Variants in KAZN observed in about 807,000 individuals in gnomAD.
The protein encoded by KAZN is kazrin, periplakin interacting protein.
Under a neutral mutation model 87.4 loss-of-function variants are expected in KAZN, and 40 were observed. The observed-to-expected ratio is 0.46, with a 90% confidence interval of 0.36 to 0.60. KAZN has a LOEUF of 0.60. KAZN is among the 20% of genes least tolerant of loss of function. KAZN has a pLI of 0.00. For missense variants in KAZN, 898 were observed against 1,073.9 expected, an observed-to-expected ratio of 0.84 and a Z score of 2.29; for synonymous variants, 466 against 458.3, an observed-to-expected ratio of 1.02 and a Z score of -0.22.
At chr1:14,042,597 G>C (rs1641885483) in intron 1 of KAZN, among the ~76,000 whole-genome samples, 1 of 152,176 alleles carries the variant, frequency 6.6e-6, no homozygotes, top group Non-Finnish European at 1.5e-5. Context: ...TAGTGATACA[G>C]ATGGCATCTA....
intron 1 of KAZN, among the ~76,000 whole-genome samples, chr1:14,825,740 G>GCC (rs1646867227): frequency 1.3e-5 from 2 of 152,158 alleles, no homozygotes; most frequent in Non-Finnish European, 2.9e-5. Context: ...GCCTGATCAA[G>GCC]CCCCACCTGT....
chr1:14,026,965 G>A (rs1641105068), intron 1 of KAZN, among the ~76,000 whole-genome samples: 1 of 151,948 alleles, frequency 6.6e-6, no homozygotes, highest in South Asian at 2.1e-4. Flanking sequence ...GGTGAAGAGA[G>A]TAAGGGAAGC....
chr1:14,997,719 G>A (rs1032848578), intron 2 of KAZN, among the ~76,000 whole-genome samples: 7 of 152,124 alleles, frequency 4.6e-5, no homozygotes, highest in Admixed American at 6.5e-5. Context: ...AGGAGCAGGG[G>A]CTGGGCTGGG....
At chr1:15,112,292 A>C in intron 13 of KAZN, 135 bp from the exon 14 acceptor site, 1 of 661,090 alleles carries the variant, frequency 1.5e-6, no homozygotes, top group Non-Finnish European at 2.8e-6. Context: ...CGTGGGAGGT[A>C]ATCAGTCGGT....
chr1:14,972,445 G>A (rs1184661678), intron 2 of KAZN, among the ~76,000 whole-genome samples: 2 of 152,222 alleles, frequency 1.3e-5, no homozygotes, highest in African/African-American at 4.8e-5. Flanking sequence ...GTCTGACACA[G>A]GCCTTGACCC....
intron 2 of KAZN, among the ~76,000 whole-genome samples, chr1:14,348,311 C>A (rs112675896): frequency 1.8e-3 from 279 of 152,250 alleles, no homozygotes; most frequent in Non-Finnish European, 3.0e-3. Flanking sequence ...CCCAGCCTCT[C>A]CAAATGCTGG....
chr1:14,700,470 TA>T (rs35974230), intron 1 of KAZN, among the ~76,000 whole-genome samples: 428 of 144,006 alleles, frequency 3.0e-3, no homozygotes, highest in Middle Eastern at 3.5e-3. Context: ...GACTCTGTCT[TA>T]AAAAAAAAAA....
intron 1 of KAZN, among the ~76,000 whole-genome samples, chr1:14,068,125 C>T (rs935300134): frequency 2.6e-5 from 4 of 152,080 alleles, no homozygotes; most frequent in African/African-American, 7.2e-5. Context: ...GATGTTCCCC[C>T]CCCCAACAAT....
rs1657177515 is a variant in KAZN, at chr1:14,335,375, G to A, written c.249+154783G>A. On this transcript the variant is annotated intron_variant, in intron 2 of 16. Coordinates refer to the KAZN transcript ENST00000636203. ...GTGCCACCACACCTGGCTAATTTTT[G>A]TATTTTTAGTAGAGACGGGGTTTCA... 3.9e-5 allele frequency among the ~76,000 whole-genome samples: 6 copies of A among 152,030 alleles called. No homozygotes were observed. In the South Asian group the frequency reaches 1.0e-3, roughly 26 times the overall value.
intron 1 of KAZN, among the ~76,000 whole-genome samples, chr1:13,928,885 G>C (rs1431522938): frequency 1.3e-5 from 2 of 151,312 alleles, no homozygotes; most frequent in Non-Finnish European, 2.9e-5. Flanking sequence ...TGGAGAAAGA[G>C]CTCTAACAGG....
At chr1:14,218,329 A>G (rs767746734) in intron 2 of KAZN, among the ~76,000 whole-genome samples, 9 of 152,160 alleles carry the variant, frequency 5.9e-5, no homozygotes, top group Non-Finnish European at 1.3e-4. Context: ...TCGTGTACTG[A>G]AAAGGCTTAG....
intron 2 of KAZN, among the ~76,000 whole-genome samples, chr1:14,572,129 A>T (rs1031604736): frequency 6.6e-5 from 10 of 152,146 alleles, no homozygotes; most frequent in Non-Finnish European, 1.3e-4. Flanking sequence ...AGTCATTTTC[A>T]TCATTTAATG....
At chr1:13,982,317 A>G (rs947428149) in intron 1 of KAZN, among the ~76,000 whole-genome samples, 120 of 152,230 alleles carry the variant, frequency 7.9e-4, no homozygotes, top group African/African-American at 2.7e-3. Context: ...TGAGTGTTAC[A>G]GTTCTTAAGG....
chr1:14,686,672 G>A (rs1222919900), intron 1 of KAZN, among the ~76,000 whole-genome samples: 4 of 152,154 alleles, frequency 2.6e-5, no homozygotes, highest in African/African-American at 9.7e-5. Flanking sequence ...GCCTAATATC[G>A]GGTGTAGCGG....
chr1:15,006,452 C>T (rs899974144), intron 2 of KAZN, among the ~76,000 whole-genome samples: 3 of 152,176 alleles, frequency 2.0e-5, no homozygotes, highest in East Asian at 3.9e-4. Flanking sequence ...CTCCTGACAG[C>T]GAGCCGGGAA....
intron 1 of KAZN, among the ~76,000 whole-genome samples, chr1:13,908,744 A>G (rs1336708987): frequency 1.3e-5 from 2 of 152,208 alleles, no homozygotes; most frequent in Non-Finnish European, 1.5e-5. Context: ...TTCAAGGGTC[A>G]TAAACTTCTC....
intron 1 of KAZN, among the ~76,000 whole-genome samples, chr1:13,986,685 G>A (rs555511472): frequency 6.6e-6 from 1 of 152,190 alleles, no homozygotes; most frequent in South Asian, 2.1e-4. Flanking sequence ...GTATTGGAAG[G>A]ATATTGATTG....
At chr1:14,865,817 G>A (rs1038599891) in intron 1 of KAZN, among the ~76,000 whole-genome samples, 1 of 152,134 alleles carries the variant, frequency 6.6e-6, no homozygotes, top group African/African-American at 2.4e-5. Flanking sequence ...TGATGTCCTG[G>A]TAAGAAGGCC....
intron 1 of KAZN, among the ~76,000 whole-genome samples, chr1:14,756,462 G>A (rs893332068): frequency 1.3e-5 from 2 of 152,226 alleles, no homozygotes; most frequent in Admixed American, 6.5e-5. Context: ...CTCTGCGGAT[G>A]AGCAGGAGGT....
Sources: gnomAD v4.1 joint callset for allele counts (sites outside exome capture counted in the v4.1 genomes callset) on GRCh38, gnomAD v4.1.1 for gene constraint, MANE v1.5 for transcripts, NCBI Gene and HGNC (gene_info 2026-07-23, HGNC 2026-07-21) for gene names.